The following FNDC3B variants were observed in gnomAD, a reference collection of about 807,000 sequenced individuals.
FNDC3B encodes the protein fibronectin type III domain containing 3B.
Under a neutral mutation model 151.5 loss-of-function variants are expected in FNDC3B, and 12 were observed. That is an observed-to-expected ratio of 0.08 (90% CI 0.05 to 0.13). FNDC3B has a LOEUF of 0.13. Among genes scored for constraint, FNDC3B ranks in the 10% least tolerant of loss-of-function variants. The pLI is 1.00. For missense variants in FNDC3B, 1,214 were observed against 1,505.3 expected, an observed-to-expected ratio of 0.81 and a Z score of 3.20; for synonymous variants, 528 against 549.0, an observed-to-expected ratio of 0.96 and a Z score of 0.54.
At chr3:172,381,204 G>C in intron 25 of FNDC3B, 111 bp downstream of exon 25, 1 of 1,220,672 alleles carries the variant, frequency 8.2e-7, no homozygotes, top group Non-Finnish European at 1.2e-6. Context: ...ATCAGTGATA[G>C]AAACTGCCTA....
At chr3:172,252,108 A>G (rs1237460538) in intron 6 of FNDC3B, among the ~76,000 whole-genome samples, 1 of 152,148 alleles carries the variant, frequency 6.6e-6, no homozygotes, top group African/African-American at 2.4e-5. Flanking sequence ...AGAAACATCA[A>G]CTCAGAATGG....
chr3:172,095,306 G>A (rs1166822285), intron 1 of FNDC3B, among the ~76,000 whole-genome samples: 3 of 152,188 alleles, frequency 2.0e-5, no homozygotes, highest in Non-Finnish European at 4.4e-5. Flanking sequence ...AGTCAGAGCT[G>A]AACTTCTCAA....
chr3:172,076,507 C>T (rs1349350441), intron 1 of FNDC3B, among the ~76,000 whole-genome samples: 1 of 152,226 alleles, frequency 6.6e-6, no homozygotes, highest in Non-Finnish European at 1.5e-5. Flanking sequence ...TTACTCTCTT[C>T]ATTGTGAGTT....
At chr3:172,228,337 G>A (rs1726699352) in intron 4 of FNDC3B, among the ~76,000 whole-genome samples, 1 of 152,184 alleles carries the variant, frequency 6.6e-6, no homozygotes, top group African/African-American at 2.4e-5. Context: ...TTTTGAGGAA[G>A]CATTTCATTC....
intron 4 of FNDC3B, among the ~76,000 whole-genome samples, chr3:172,229,129 AC>A (rs1560028769): frequency 0.026 from 3,654 of 142,006 alleles, 62 homozygotes; most frequent in African/African-American, 0.053. Context: ...ACACACACAC[AC>A]ACACACAATC....
chr3:172,150,844 C>T (rs1048663261), intron 3 of FNDC3B, among the ~76,000 whole-genome samples: 1 of 152,030 alleles, frequency 6.6e-6, no homozygotes, highest in Admixed American at 6.6e-5. Context: ...GGTGTCCATC[C>T]GCTCAAGTGT....
chr3:172,285,675 C>T (rs1007814729), intron 6 of FNDC3B, among the ~76,000 whole-genome samples: 4 of 152,092 alleles, frequency 2.6e-5, no homozygotes, highest in African/African-American at 9.7e-5. Context: ...AATGGAACCC[C>T]GTGTTAATCT....
intron 3 of FNDC3B, among the ~76,000 whole-genome samples, chr3:172,160,498 C>T (rs914574391): frequency 3.3e-5 from 5 of 152,200 alleles, no homozygotes; most frequent in Admixed American, 1.3e-4. Context: ...AGAAGAGCTG[C>T]TAACAATCAA....
At position 172,271,991 on chromosome 3, in the gene FNDC3B, A is replaced by T. The variant is rs552614662; in HGVS notation, c.791-13935A>T. The stretch of plus-strand genomic sequence containing the variant: ...TAGAACATGTGTGAATAGGAAACAC[A>T]TCGTAGCCCTTGCTGATACTGTTAC... On this transcript the variant is annotated intron_variant, in intron 6 of 25. Transcript: ENST00000415807. Among the ~76,000 whole-genome samples, 14 of 152,336 alleles carry T rather than the reference A, an allele frequency of 9.2e-5. No homozygotes were observed. The South Asian group carries it at 2.5e-3, about 27-fold the overall frequency.
chr3:172,101,133 ATCC>A (rs983308381), intron 1 of FNDC3B, among the ~76,000 whole-genome samples: 13 of 152,204 alleles, frequency 8.5e-5, no homozygotes, highest in African/African-American at 3.1e-4. Context: ...AAATTTTAGT[ATCC>A]TCCTGGCTGA....
At chr3:172,169,073 A>C (rs968374856) in intron 3 of FNDC3B, among the ~76,000 whole-genome samples, 4 of 127,916 alleles carry the variant, frequency 3.1e-5, no homozygotes, top group African/African-American at 1.2e-4. Flanking sequence ...TCCTACCTTG[A>C]CATAAAAGTT....
chr3:172,305,874 C>T (rs1309162011), intron 9 of FNDC3B, among the ~76,000 whole-genome samples: 2 of 152,112 alleles, frequency 1.3e-5, no homozygotes, highest in African/African-American at 4.8e-5. Flanking sequence ...ACCAGATCTA[C>T]CATTTAGTTT....
intron 1 of FNDC3B, among the ~76,000 whole-genome samples, chr3:172,105,354 A>T (rs1214052993): frequency 6.6e-6 from 1 of 152,138 alleles, no homozygotes; most frequent in African/African-American, 2.4e-5. Flanking sequence ...TTGTCATAAT[A>T]AATTTTTATT....
At chr3:172,050,411 TCTCA>T (rs1374443740) in intron 1 of FNDC3B, among the ~76,000 whole-genome samples, 1 of 151,738 alleles carries the variant, frequency 6.6e-6, no homozygotes, top group Non-Finnish European at 1.5e-5. Context: ...TAAGATGGTG[TCTCA>T]CTCTGTCACC....
At position 172,327,034 on chromosome 3, in the gene FNDC3B, T is replaced by C. The variant is rs543242062; in HGVS notation, c.1255-1918T>C. Among the ~76,000 whole-genome samples the C allele has an allele frequency of 7.4e-4, 113 of 152,244 alleles. No homozygotes were observed. The Middle Eastern group carries it at 0.01, about 14-fold the overall frequency. ...CACAGCCTGAAATGGATACGACACA[T>C]ACCAGGGCTCCCATAGAGTGTGATC... On this transcript the variant is annotated intron_variant, in intron 11 of 25. Coordinates refer to ENST00000415807, the MANE Select transcript of FNDC3B (RefSeq NM_022763.4).
chr3:172,232,499 G>T (rs143207344), intron 4 of FNDC3B, among the ~76,000 whole-genome samples: 1 of 152,160 alleles, frequency 6.6e-6, no homozygotes, highest in African/African-American at 2.4e-5. Flanking sequence ...TGGACTTAGG[G>T]TGCAAAAACA....
At chr3:172,043,601 T>A (rs1716203885) in intron 1 of FNDC3B, among the ~76,000 whole-genome samples, 6 of 152,244 alleles carry the variant, frequency 3.9e-5, no homozygotes, top group Admixed American at 3.9e-4. Context: ...TTAGTTCATT[T>A]TTCTTTCTTC....
intron 6 of FNDC3B, among the ~76,000 whole-genome samples, chr3:172,258,516 A>G (rs9864532): frequency 0.13 from 19,463 of 152,236 alleles, 2,555 homozygotes; most frequent in African/African-American, 0.34. Context: ...TGTATTCACA[A>G]TAACAGTAAT....
chr3:172,192,250 G>A (rs1206141466), intron 3 of FNDC3B, among the ~76,000 whole-genome samples: 2 of 147,886 alleles, frequency 1.4e-5, no homozygotes, highest in Non-Finnish European at 3.0e-5. Flanking sequence ...TTGGCTCACT[G>A]CAACCTCCGC....
Sources: allele counts gnomAD v4.1 joint callset (sites outside exome capture counted in the v4.1 genomes callset), GRCh38; gene constraint gnomAD v4.1.1; transcripts MANE v1.5; gene names NCBI Gene and HGNC (gene_info 2026-07-23, HGNC 2026-07-21).